The following ZNF735 variants were observed in gnomAD, a reference collection of about 807,000 sequenced individuals.
ZNF735 encodes zinc finger protein 735.
In ZNF735, 11 loss-of-function variants were observed where a neutral mutation model predicts 13.4. That is an observed-to-expected ratio of 0.82 (90% CI 0.52 to 1.36). The LOEUF (loss-of-function observed/expected upper bound fraction) is 1.36, where lower values mean the gene tolerates loss of function less well. Among genes scored for constraint, ZNF735 ranks in the 40% most tolerant of loss-of-function variants. The pLI, the probability that ZNF735 is intolerant of heterozygous loss-of-function variation, is 0.00. For missense variants in ZNF735, 500 were observed against 484.6 expected, an observed-to-expected ratio of 1.03 and a Z score of -0.30; for synonymous variants, 171 against 162.6, an observed-to-expected ratio of 1.05 and a Z score of -0.39.
exon 2 of ZNF735, chr7:64,213,209 T>C: frequency 6.2e-7 from 1 of 1,604,072 alleles, no homozygotes; most frequent in Middle Eastern, 1.7e-4. Flanking sequence ...CAGAAACCTG[T>C]TCTCCCTGGG....
Position 64,214,092 on chromosome 7 carries a change from G to A in ZNF735, c.246G>A (p.Met82Ile), listed in dbSNP as rs1190273370. 4 of 1,600,298 alleles carry A rather than the reference G, an allele frequency of 2.5e-6. No homozygotes were observed. The South Asian group carries it at 3.3e-5, about 13-fold the overall frequency. The change falls in exon 3 of 4, where the codon ATG becomes ATA. Residue 82 changes from methionine to isoleucine, a missense_variant. Coordinates refer to ENST00000429565, the Ensembl canonical transcript of ZNF735. ...CCCAGAATATAAAGAGAAATGAGAT[G>A]GCAGCCAAACACCCAGGTAGGTGAG...
chr7:64,207,238 A>C, exon 1 of ZNF735: 2 of 1,614,186 alleles, frequency 1.2e-6, no homozygotes, highest in Non-Finnish European at 1.7e-6. Flanking sequence ...GAAGCCGAGA[A>C]ATGGTGAGTG....
intron 1 of ZNF735, among the ~76,000 whole-genome samples, chr7:64,207,755 G>A (rs1402538760): frequency 6.6e-6 from 1 of 152,134 alleles, no homozygotes; most frequent in East Asian, 1.9e-4. Context: ...TTGGGAGGCC[G>A]AGGCGGGCGG....
intron 2 of ZNF735, 52 bp from the exon 3 acceptor site, chr7:64,213,961 A>T (rs1787389854): frequency 6.1e-6 from 9 of 1,465,092 alleles, no homozygotes; most frequent in Non-Finnish European, 6.3e-6. Context: ...TCCATCTCAA[A>T]AAATAAATAA....
intron 3 of ZNF735, among the ~76,000 whole-genome samples, chr7:64,219,073 T>G (rs1176589308): frequency 6.6e-6 from 1 of 152,194 alleles, no homozygotes; most frequent in African/African-American, 2.4e-5. Flanking sequence ...TTTCTCTATA[T>G]ATGGTTCTTG....
intron 3 of ZNF735, among the ~76,000 whole-genome samples, chr7:64,215,979 CTAGA>C (rs1358775618): frequency 1.3e-5 from 2 of 151,930 alleles, no homozygotes; most frequent in African/African-American, 4.8e-5. Context: ...GTGTGTTTCT[CTAGA>C]TATAGTTCAT....
exon 3 of ZNF735, chr7:64,214,013 G>A: frequency 1.3e-6 from 2 of 1,595,296 alleles, no homozygotes; most frequent in Non-Finnish European, 1.7e-6. Context: ...AATAAAACAG[G>A]TATGACTGTC....
intron 3 of ZNF735, among the ~76,000 whole-genome samples, chr7:64,216,538 A>ACTTTTTT (rs551913534): frequency 0.011 from 1,602 of 151,986 alleles, 13 homozygotes; most frequent in Non-Finnish European, 0.017. Flanking sequence ...TGCCAGTTTT[A>ACTTTTTT]CTTTTTTCTT....
exon 2 of ZNF735, chr7:64,213,179 G>C: frequency 1.2e-6 from 2 of 1,612,014 alleles, no homozygotes; most frequent in South Asian, 1.1e-5. Flanking sequence ...TTTATATAGA[G>C]ATGTGATGTT....
chr7:64,208,935 T>G (rs1245352519), intron 1 of ZNF735, among the ~76,000 whole-genome samples: 1 of 152,244 alleles, frequency 6.6e-6, no homozygotes, highest in African/African-American at 2.4e-5. Flanking sequence ...TTCATGGTGT[T>G]TATGTAACAC....
At chr7:64,207,371 C>T in intron 1 of ZNF735, 130 bp downstream of exon 1, 1 of 1,567,488 alleles carries the variant, frequency 6.4e-7, no homozygotes, top group Non-Finnish European at 8.7e-7. Context: ...CTCCTTGGCC[C>T]AGTTCGGCTG....
At chr7:64,212,520 A>T (rs1787372236) in intron 1 of ZNF735, among the ~76,000 whole-genome samples, 2 of 152,244 alleles carry the variant, frequency 1.3e-5, no homozygotes, top group East Asian at 1.9e-4. Flanking sequence ...CGACCGGGTG[A>T]GGTGGCTCAT....
intron 3 of ZNF735, among the ~76,000 whole-genome samples, chr7:64,217,694 T>C (rs2116487843): frequency 6.6e-6 from 1 of 152,212 alleles, no homozygotes; most frequent in Admixed American, 6.5e-5. Context: ...ATATCAGTCT[T>C]TGTCTCATGC....
At chr7:64,212,899 T>A (rs1787377066) in intron 1 of ZNF735, among the ~76,000 whole-genome samples, 193 bp from the exon 2 acceptor site, 1 of 152,176 alleles carries the variant, frequency 6.6e-6, no homozygotes, top group Admixed American at 6.6e-5. Flanking sequence ...ATTGTGAATC[T>A]TATGCTCTCC....
rs535939357 is a variant in ZNF735, at chr7:64,219,283, T to C, written c.263-31T>C. On this transcript the variant is annotated intron_variant, in intron 3 of 3. Transcript: ENST00000429565. The stretch of plus-strand genomic sequence containing the variant: ...AGTATATTTATCTGAGTCTAGTAAG[T>C]GGAGTAACTTGTGATTTTTATGTCT... 8.1e-5 allele frequency: 130 copies of C among 1,599,258 alleles called. No individual in the cohort carries two copies. In the African/African-American group the frequency reaches 1.7e-3, roughly 21 times the overall value.
At chr7:64,220,223 A>C in exon 4 of ZNF735, 1 of 1,612,832 alleles carries the variant, frequency 6.2e-7, no homozygotes, top group South Asian at 1.1e-5. Flanking sequence ...AAAGCTTTTA[A>C]GTGGCATTCA....
intron 1 of ZNF735, among the ~76,000 whole-genome samples, chr7:64,209,227 C>CATTTTT (rs1562831474): frequency 8.0e-6 from 1 of 125,436 alleles, no homozygotes; most frequent in Admixed American, 8.3e-5. Flanking sequence ...GCATCTGTTC[C>CATTTTT]GTTTTTTTTT....
intron 1 of ZNF735, among the ~76,000 whole-genome samples, chr7:64,209,819 A>G (rs1383306793): frequency 6.6e-6 from 1 of 152,186 alleles, no homozygotes; most frequent in East Asian, 1.9e-4. Flanking sequence ...TGTTCTTAAC[A>G]CTGCCTTAGC....
chr7:64,219,528 T>C (rs1377128824), exon 4 of ZNF735: 15 of 1,601,788 alleles, frequency 9.4e-6, no homozygotes, highest in Non-Finnish European at 1.2e-5. Context: ...TATTTCAGAC[T>C]CATAAATGTG....
Sources: allele counts gnomAD v4.1 joint callset (sites outside exome capture counted in the v4.1 genomes callset), GRCh38; gene constraint gnomAD v4.1.1; transcripts MANE v1.5; gene names NCBI Gene and HGNC (gene_info 2026-07-23, HGNC 2026-07-21).